The following SYT1 variants were observed in gnomAD, a reference collection of about 807,000 sequenced individuals.
SYT1 encodes the protein synaptotagmin 1, also known as synaptotagmin-1.
A neutral mutation model predicts 44.8 loss-of-function variants in SYT1; 8 were observed. The observed-to-expected ratio is 0.18, with a 90% CI of 0.10 to 0.32. SYT1 has a LOEUF of 0.32. Among genes scored for constraint, SYT1 ranks in the 10% least tolerant of loss-of-function variants. The pLI, the probability that SYT1 is intolerant of heterozygous loss-of-function variation, is 1.00. For missense variants in SYT1, 286 were observed against 509.3 expected (o/e 0.56, Z 4.22); for synonymous variants, 154 against 188.8 (o/e 0.82, Z 1.51).
At chr12:79,064,922 TAGAGAGAAAGAAAGAAAGAAAGAAAGAA>T (rs1565789152) in intron 3 of SYT1, among the ~76,000 whole-genome samples, 2 of 72,462 alleles carry the variant, frequency 2.8e-5, no homozygotes, top group East Asian at 4.0e-4. Flanking sequence ...GACAAAAAAA[TAGAGAGAAAGAAAGAAAGAAAGAAAGAA>T]AGAAAGAAAG....
At chr12:79,307,255 A>T (rs1880440867) in intron 8 of SYT1, among the ~76,000 whole-genome samples, 1 of 152,188 alleles carries the variant, frequency 6.6e-6, no homozygotes, top group Non-Finnish European at 1.5e-5. Flanking sequence ...CAAGAGCTTA[A>T]ATAATTAAAG....
At chr12:78,924,313 T>A (rs1164705961) in intron 1 of SYT1, among the ~76,000 whole-genome samples, 1 of 151,910 alleles carries the variant, frequency 6.6e-6, no homozygotes, top group Non-Finnish European at 1.5e-5. Flanking sequence ...ATGTAGTTAT[T>A]ACTTTTTCCC....
intron 1 of SYT1, among the ~76,000 whole-genome samples, chr12:78,956,603 T>C (rs933458039): frequency 4.3e-4 from 65 of 152,234 alleles, no homozygotes; most frequent in African/African-American, 1.6e-3. Context: ...AAAAAAGTGT[T>C]TATTGTCAAA....
chr12:79,267,311 TATC>T, intron 4 of SYT1, among the ~76,000 whole-genome samples: 1 of 152,348 alleles, frequency 6.6e-6, no homozygotes. Context: ...ATTCAGAAGC[TATC>T]AACAGGGGCC....
chr12:79,072,853 A>C (rs577424784), intron 3 of SYT1, among the ~76,000 whole-genome samples: 2 of 152,244 alleles, frequency 1.3e-5, no homozygotes, highest in East Asian at 3.9e-4. Flanking sequence ...CAATGAACAC[A>C]ATGTTCCAAG....
At chr12:79,052,971 T>C (rs190404470) in intron 3 of SYT1, among the ~76,000 whole-genome samples, 111 of 152,198 alleles carry the variant, frequency 7.3e-4, no homozygotes, top group Non-Finnish European at 4.9e-4. Flanking sequence ...GATCTAGAAC[T>C]AGAAATACCA....
intron 3 of SYT1, among the ~76,000 whole-genome samples, chr12:79,193,957 T>TAA (rs1873285816): frequency 6.6e-6 from 1 of 152,200 alleles, no homozygotes; most frequent in Admixed American, 6.5e-5. Flanking sequence ...GCAGAGATGC[T>TAA]AATTGGCTTT....
intron 1 of SYT1, among the ~76,000 whole-genome samples, chr12:78,882,126 A>G (rs1874492133): frequency 6.6e-6 from 1 of 151,898 alleles, no homozygotes; most frequent in East Asian, 1.9e-4. Context: ...TGCCAGTTAC[A>G]CTCAACACCT....
intron 3 of SYT1, among the ~76,000 whole-genome samples, chr12:79,166,802 G>A (rs1871247494): frequency 6.6e-6 from 1 of 152,038 alleles, no homozygotes. Flanking sequence ...AGATGCCTTT[G>A]CACAGTGGAA....
intron 8 of SYT1, among the ~76,000 whole-genome samples, chr12:79,328,842 T>C (rs1592970885): frequency 7.2e-6 from 1 of 139,208 alleles, no homozygotes; most frequent in Non-Finnish European, 1.5e-5. Flanking sequence ...CGAGACTCCA[T>C]CTCAAAAAAA....
At chr12:79,167,352 TTTATTGAGAA>T (rs1020711340) in intron 3 of SYT1, among the ~76,000 whole-genome samples, 11 of 152,040 alleles carry the variant, frequency 7.2e-5, no homozygotes, top group African/African-American at 2.7e-4. Flanking sequence ...AATAATACTT[TTTATTGAGAA>T]TCAGTTGTAT....
At chr12:79,303,075 GTATT>G (rs1445355878) in intron 8 of SYT1, among the ~76,000 whole-genome samples, 4 of 151,984 alleles carry the variant, frequency 2.6e-5, no homozygotes, top group Admixed American at 2.6e-4. Context: ...CAAAAAATAA[GTATT>G]TATTGTATAC....
chr12:79,414,891 A>T lies in SYT1; in HGVS notation c.929-29182A>T, dbSNP rs117221915. 2.0e-3 allele frequency among the ~76,000 whole-genome samples: 297 copies of T among 152,146 alleles called. 2 individuals carry two copies. Among genetic ancestry groups the T allele is most frequent in the East Asian group, 6.4e-3 (33 of 5,158 alleles). Reference sequence around the variant, plus strand: ...TCCTCAAGAATTAAGTGGCAATAGGACTCAAAAAACCATTTCTCCAAAAGG... The same window carrying T: ...TCCTCAAGAATTAAGTGGCAATAGGTCTCAAAAAACCATTTCTCCAAAAGG... On this transcript the variant is annotated intron_variant, in intron 9 of 10. Transcript: ENST00000261205.
intron 4 of SYT1, among the ~76,000 whole-genome samples, chr12:79,263,304 AT>A (rs1877939237): frequency 6.9e-6 from 1 of 144,588 alleles, no homozygotes; most frequent in African/African-American, 2.6e-5. Flanking sequence ...GAGTTCTACT[AT>A]TTTCTTTCTT....
intron 3 of SYT1, among the ~76,000 whole-genome samples, chr12:79,051,126 G>A (rs1592702227): frequency 1.3e-5 from 2 of 151,330 alleles, no homozygotes; most frequent in African/African-American, 2.4e-5. Flanking sequence ...ATTAAAAAAT[G>A]CATGTGTCGG....
intron 3 of SYT1, among the ~76,000 whole-genome samples, chr12:79,161,543 A>C (rs1490142899): frequency 1.3e-5 from 2 of 152,302 alleles, no homozygotes; most frequent in East Asian, 3.9e-4. Flanking sequence ...ATGCCAAATA[A>C]TACTATTTAA....
In SYT1 at chr12:79,144,101, C is replaced by G. The variant is rs186691400; in HGVS notation, c.-17-73402C>G. ...ATCCATCCTCACCTCCTTGATCTGT[C>G]ATTTCCTCCAAAATTAGCTCATTTA... On this transcript the variant is annotated intron_variant, in intron 3 of 10. Transcript: ENST00000261205. Among the ~76,000 whole-genome samples the G allele has an allele frequency of 1.3e-3, 203 of 152,288 alleles. 1 individual carries two copies. Among genetic ancestry groups the G allele is most frequent in the African/African-American group, 4.7e-3 (197 of 41,554 alleles).
At chr12:79,050,458 C>A (rs1380581120) in intron 3 of SYT1, among the ~76,000 whole-genome samples, 1 of 151,968 alleles carries the variant, frequency 6.6e-6, no homozygotes, top group East Asian at 1.9e-4. Context: ...TGCTGAAGCT[C>A]AGTAATACTT....
intron 1 of SYT1, chr12:78,960,849 C>A (rs1879463681): frequency 6.6e-6 from 1 of 152,118 alleles, no homozygotes. Flanking sequence ...GCAAGAATGT[C>A]TATTAGCCCA....
Sources: gnomAD v4.1 joint callset for allele counts (sites outside exome capture counted in the v4.1 genomes callset) on GRCh38, gnomAD v4.1.1 for gene constraint, MANE v1.5 for transcripts, NCBI Gene and HGNC (gene_info 2026-07-23, HGNC 2026-07-21) for gene names.